LYL1: variants seen among roughly 807,000 people sequenced by gnomAD.
LYL1 encodes the protein LYL1 basic helix-loop-helix family member, also known as protein lyl-1.
In LYL1, 4 loss-of-function variants were observed where a neutral mutation model predicts 11.1. The ratio of observed to expected loss-of-function variants is 0.36; its 90% CI spans 0.18 to 0.82. LYL1 has a LOEUF of 0.82. LYL1 is among the 40% of genes least tolerant of loss of function. LYL1 has a pLI of 0.49. For missense variants in LYL1, 356 were observed against 397.6 expected (o/e 0.90, Z 0.89); for synonymous variants, 179 against 174.8 (o/e 1.02, Z -0.19).
Position 13,099,522 on chromosome 19 carries a change from C to A in LYL1, c.640G>T (p.Ala214Ser). Reference protein sequence around the residue: ...RLLRDQAAALAAGPTPPGPRK... With the variant: ...RLLRDQAAALSAGPTPPGPRK... ...GGCCCGGGAGGGGTGGGGCCTGCGGCCAGAGCTGCGGCTTGGTCGCGCAGC... is the reference window on the plus strand; with the variant it reads ...GGCCCGGGAGGGGTGGGGCCTGCGGACAGAGCTGCGGCTTGGTCGCGCAGC... Residue 214 changes from alanine to serine, a missense_variant, in exon 4 of 4, where the codon GCC (alanine) becomes TCC (serine). By Grantham distance (99) the Ala-to-Ser change is moderately conservative. Coordinates refer to ENST00000264824, the MANE Select transcript of LYL1 (RefSeq NM_005583.5). This position sits in a 1 kb window ranked among gnomAD's most constrained non-coding sequence, Gnocchi z 5.3. 2 of 1,489,310 alleles carry A rather than the reference C, an allele frequency of 1.3e-6. No individual in the cohort carries two copies. Among genetic ancestry groups the A allele is most frequent in the Non-Finnish European group, 1.8e-6 (2 of 1,113,514 alleles). 92.3% of individuals were successfully genotyped at this position (1,489,310 alleles called of 1,614,324 possible).
chr19:13,101,414 T>G lies in LYL1; in HGVS notation c.-24-219A>C, dbSNP rs2018686470. 4.8e-6 allele frequency: 2 copies of G among 421,040 alleles called. No homozygotes were observed. The highest frequency in any genetic ancestry group is 2.1e-5 in the African/African-American group (1 of 48,558). The allele number at this position is 421,040 out of a possible 1,614,324, so 26.1% of individuals were successfully genotyped here. A position where few individuals can be genotyped will look rare whatever the true frequency, so the allele number is the denominator to read the frequency against. ...AGAGTAGGAGGCGCCCCCCAGGTGC[T>G]AGGCAGCGCACTGTCCCTGAGCTCT... On this transcript the variant is annotated intron_variant, in intron 1 of 3. Coordinates refer to ENST00000264824, the MANE Select transcript of LYL1 (RefSeq NM_005583.5). This position sits in a 1 kb window ranked among gnomAD's most constrained non-coding sequence, Gnocchi z 5.1.
At position 13,101,011 on chromosome 19, in the gene LYL1, G is replaced by C. The variant is rs1190354260; in HGVS notation, c.161C>G (p.Pro54Arg). 12 of 1,476,588 alleles carry C rather than the reference G, an allele frequency of 8.1e-6. No homozygotes were observed. Among genetic ancestry groups the C allele is most frequent in the Admixed American group, 2.6e-5 (1 of 38,236 alleles). The allele number at this position is 1,476,588 out of a possible 1,614,324, so 91.5% of individuals were successfully genotyped here. Residue 54 changes from proline (P) to arginine (R), a missense_variant, in exon 2 of 4, where the codon CCC becomes CGC. Pro to Arg is a moderately radical substitution (Grantham distance 103, BLOSUM62 -2). Coordinates refer to ENST00000264824, the MANE Select transcript of LYL1 (RefSeq NM_005583.5). The surrounding 1 kb of genome is among the most constrained non-coding windows in gnomAD (Gnocchi z 5.1). ...CACTGGTACACCAGGTGGCAGCCTG[G>C]GGGGCGAGGAGCCTCCTCGGTGGCC... The part of the protein sequence containing the change: ...EVGHRGGSSP[P>R]RLPPGVPVIS...
chr19:13,101,031 G>T lies in LYL1; in HGVS notation c.141C>A (p.His47Gln). Reference sequence around the variant, plus strand: ...GCCTGGGGGGCGAGGAGCCTCCTCGGTGGCCCACCTCCTCCACCTGCGGGG... The same window carrying T: ...GCCTGGGGGGCGAGGAGCCTCCTCGTTGGCCCACCTCCTCCACCTGCGGGG... ...PGPPQVEEVGHRGGSSPPRLP... is the reference protein window; with the variant it reads ...PGPPQVEEVGQRGGSSPPRLP... The change falls in exon 2 of 4, where the codon CAC (histidine) becomes CAA (glutamine). Residue 47 changes from histidine (H) to glutamine (Q), a missense_variant. Physicochemically the swap from His to Gln is conservative, Grantham distance 24. Coordinates refer to ENST00000264824, the MANE Select transcript of LYL1 (RefSeq NM_005583.5). The surrounding 1 kb of genome is among the most constrained non-coding windows in gnomAD (Gnocchi z 5.1). The T allele has an allele frequency of 2.7e-6, 4 of 1,480,676 alleles. No homozygotes were observed. The highest frequency in any genetic ancestry group is 3.6e-6 in the Non-Finnish European group (4 of 1,117,068). 91.7% of individuals were successfully genotyped at this position (1,480,676 alleles called of 1,614,324 possible). A position where few individuals can be genotyped will look rare whatever the true frequency, so the allele number is the denominator to read the frequency against.
At position 13,099,564 on chromosome 19, in the gene LYL1, C is replaced by T. The variant is rs1426653272; in HGVS notation, c.598G>A (p.Gly200Ser). 3.3e-6 allele frequency: 5 copies of T among 1,537,418 alleles called. No homozygotes were observed. In the East Asian group the frequency reaches 1.3e-4, roughly 39 times the overall value. The change falls in exon 4 of 4, where the codon GGC (glycine) becomes AGC (serine). Residue 200 changes from glycine to serine, a missense_variant. Transcript: ENST00000264824. The surrounding 1 kb of genome is among the most constrained non-coding windows in gnomAD (Gnocchi z 5.3). ...EVLRLAMKYIGFLVRLLRDQA... is the reference protein window; with the variant it reads ...EVLRLAMKYISFLVRLLRDQA... ...TCGCGCAGCAGCCGCACCAGGAAGC[C>T]GATGTACTTCATGGCTAGGCGGAGC... is the stretch of plus-strand genomic sequence containing the variant.
chr19:13,100,625 C>T, intron 3 of LYL1, 32 bp downstream of exon 3: 2 of 1,607,716 alleles, frequency 1.2e-6, no homozygotes, highest in South Asian at 1.1e-5. Flanking sequence ...TACAGGCATA[C>T]AAACCCACAA....
rs1181775701 is a variant in LYL1 at position 13,099,354 on chromosome 19, T to G, written c.808A>C (p.Met270Leu). The change falls in exon 4 of 4, where the codon ATG becomes CTG. Residue 270 changes from methionine (M) to leucine (L), a missense_variant. By Grantham distance (15) the Met-to-Leu change is conservative. Coordinates refer to ENST00000264824, the MANE Select transcript of LYL1 (RefSeq NM_005583.5). This position sits in a 1 kb window ranked among gnomAD's most constrained non-coding sequence, Gnocchi z 5.3. ...SPGGAARPIK[M>L]EQTALSPEVR ...TCTGGGCTCAAAGCGGTTTGCTCCA[T>G]CTTGATGGGCCGGGCCGCTCCACCG... 1 of 1,284,488 alleles carries G rather than the reference T, an allele frequency of 7.8e-7. No individual in the cohort carries two copies. The highest frequency in any genetic ancestry group is 2.9e-5 in the East Asian group (1 of 34,426). The allele number at this position is 1,284,488 out of a possible 1,614,324, so 79.6% of individuals were successfully genotyped here. A position where few individuals can be genotyped will look rare whatever the true frequency, so the allele number is the denominator to read the frequency against.
chr19:13,101,545 T>G lies in LYL1; in HGVS notation c.-24-350A>C, dbSNP rs1322798470. 2 of 262,362 alleles carry G rather than the reference T, an allele frequency of 7.6e-6. No homozygotes were observed. The highest frequency in any genetic ancestry group is 1.6e-4 in the South Asian group (1 of 6,188). 16.3% of individuals were successfully genotyped at this position (262,362 alleles called of 1,614,324 possible). A position where few individuals can be genotyped will look rare whatever the true frequency, so the allele number is the denominator to read the frequency against. On this transcript the variant is annotated intron_variant, in intron 1 of 3. Coordinates refer to ENST00000264824, the MANE Select transcript of LYL1 (RefSeq NM_005583.5). This position sits in a 1 kb window ranked among gnomAD's most constrained non-coding sequence, Gnocchi z 5.1. ...GAGAGGGAACAAGACAGGGAGCCCC[T>G]AACTGATCCTGGGATCCCCAGAAAC...
In LYL1 at chr19:13,099,519, C is replaced by T. The variant is rs2018644272; in HGVS notation, c.643G>A (p.Ala215Thr). The T allele has an allele frequency of 2.9e-5, 43 of 1,467,132 alleles. No homozygotes were observed. The highest frequency in any genetic ancestry group is 3.8e-5 in the Non-Finnish European group (42 of 1,100,418). The allele number at this position is 1,467,132 out of a possible 1,614,324, so 90.9% of individuals were successfully genotyped here. Residue 215 changes from alanine to threonine, a missense_variant, in exon 4 of 4, where the codon GCA (alanine) becomes ACA (threonine). By Grantham distance (58) the Ala-to-Thr change is moderately conservative (BLOSUM62 0). Coordinates refer to ENST00000264824, the MANE Select transcript of LYL1 (RefSeq NM_005583.5). The surrounding 1 kb of genome is among the most constrained non-coding windows in gnomAD (Gnocchi z 5.3). ...LLRDQAAALA[A>T]GPTPPGPRKR... ...CGAGGCCCGGGAGGGGTGGGGCCTG[C>T]GGCCAGAGCTGCGGCTTGGTCGCGC... is the stretch of plus-strand genomic sequence containing the variant.
At position 13,100,777 on chromosome 19, in the gene LYL1, T is replaced by C. The variant is rs769354072; in HGVS notation, c.336-29A>G. On this transcript the variant is annotated intron_variant, in intron 2 of 3. Transcript: ENST00000264824. ...TAAGGGGTCGTGGGTCACTAATGCC[T>C]TGTGGGCAAGGACCCTGGCCCCCAA... is the stretch of plus-strand genomic sequence containing the variant. The C allele has an allele frequency of 1.2e-5, 20 of 1,613,302 alleles. 2 individuals are homozygous for C. In the South Asian group the frequency reaches 1.5e-4, roughly 12 times the overall value.
In LYL1 at chr19:13,099,730, G is replaced by T; in HGVS notation, c.432C>A (p.His144Gln). ...CGCGCCGGGCCACCTTCTGGGGCTG[G>T]TGCCCTGTGGACAAGGAGGGCCGGG... ...SHCELDLAEGHQPQKVARRVF... is the reference protein window; with the variant it reads ...SHCELDLAEGQQPQKVARRVF... The change falls in exon 4 of 4, where the codon CAC (histidine) becomes CAA (glutamine). Residue 144 changes from histidine (H) to glutamine (Q), a missense_variant. Physicochemically the swap from His to Gln is conservative, Grantham distance 24. Transcript: ENST00000264824. This position sits in a 1 kb window ranked among gnomAD's most constrained non-coding sequence, Gnocchi z 5.3. The T allele has an allele frequency of 6.7e-7, 1 of 1,491,472 alleles. No homozygotes were observed. The allele number at this position is 1,491,472 out of a possible 1,614,324, so 92.4% of individuals were successfully genotyped here.
chr19:13,099,494 C>A lies in LYL1; in HGVS notation c.668G>T (p.Arg223Leu). The part of the protein sequence containing the change: ...LAAGPTPPGP[R>L]KRPVHRVPDD... ...TGGGACCCGGTGCACCGGCCGTTTG[C>A]GAGGCCCGGGAGGGGTGGGGCCTGC... The change falls in exon 4 of 4, where the codon CGC becomes CTC. Residue 223 changes from arginine to leucine, a missense_variant. Arg to Leu is a moderately radical substitution (Grantham distance 102). Transcript: ENST00000264824. This position sits in a 1 kb window ranked among gnomAD's most constrained non-coding sequence, Gnocchi z 5.3. 8 of 1,340,902 alleles carry A rather than the reference C, an allele frequency of 6.0e-6. No homozygotes were observed. The highest frequency in any genetic ancestry group is 7.7e-6 in the Non-Finnish European group (8 of 1,033,204). 83.1% of individuals were successfully genotyped at this position (1,340,902 alleles called of 1,614,324 possible).
At chr19:13,100,515 T>A in intron 3 of LYL1, 142 bp downstream of exon 3, 1 of 823,682 alleles carries the variant, frequency 1.2e-6, no homozygotes, top group Non-Finnish European at 2.1e-6. Context: ...TGGGCTGTTC[T>A]CTGTGTGTGC....
In LYL1 at chr19:13,099,495, G is replaced by A; in HGVS notation, c.667C>T (p.Arg223Cys). The A allele has an allele frequency of 7.5e-7, 1 of 1,341,616 alleles. No individual in the cohort carries two copies. The highest frequency in any genetic ancestry group is 3.1e-5 in the East Asian group (1 of 32,094). The allele number at this position is 1,341,616 out of a possible 1,614,324, so 83.1% of individuals were successfully genotyped here. A position where few individuals can be genotyped will look rare whatever the true frequency, so the allele number is the denominator to read the frequency against. Residue 223 changes from arginine (R) to cysteine (C), a missense_variant, in exon 4 of 4, where the codon CGC becomes TGC. Physicochemically the swap from Arg to Cys is radical, Grantham distance 180 (BLOSUM62 -3). Coordinates refer to ENST00000264824, the MANE Select transcript of LYL1 (RefSeq NM_005583.5). The surrounding 1 kb of genome is among the most constrained non-coding windows in gnomAD (Gnocchi z 5.3). Reference sequence around the variant, plus strand: ...GGGACCCGGTGCACCGGCCGTTTGCGAGGCCCGGGAGGGGTGGGGCCTGCG... The same window carrying A: ...GGGACCCGGTGCACCGGCCGTTTGCAAGGCCCGGGAGGGGTGGGGCCTGCG... The part of the protein sequence containing the change: ...LAAGPTPPGP[R>C]KRPVHRVPDD...
At position 13,099,733 on chromosome 19, in the gene LYL1, C is replaced by A; in HGVS notation, c.429G>T (p.Gly143=). 1 of 1,479,650 alleles carries A rather than the reference C, an allele frequency of 6.8e-7. No homozygotes were observed. The highest frequency in any genetic ancestry group is 1.3e-5 in the South Asian group (1 of 76,224). The allele number at this position is 1,479,650 out of a possible 1,614,324, so 91.7% of individuals were successfully genotyped here. A position where few individuals can be genotyped will look rare whatever the true frequency, so the allele number is the denominator to read the frequency against. Residue 143 remains glycine, a splice_region_variant and synonymous_variant, in exon 4 of 4, where the codon GGG becomes GGT. Transcript: ENST00000264824. This position sits in a 1 kb window ranked among gnomAD's most constrained non-coding sequence, Gnocchi z 5.3. ...PSHCELDLAE[G]HQPQKVARRV... ...GCCGGGCCACCTTCTGGGGCTGGTG[C>A]CCTGTGGACAAGGAGGGCCGGGTTG...
chr19:13,101,614 A>G lies in LYL1; in HGVS notation c.-24-419T>C, dbSNP rs2018688950. The G allele has an allele frequency of 4.4e-6, 1 of 225,852 alleles. No homozygotes were observed. The allele number at this position is 225,852 out of a possible 1,614,324, so 14.0% of individuals were successfully genotyped here. A position where few individuals can be genotyped will look rare whatever the true frequency, so the allele number is the denominator to read the frequency against. ...ATCCTCAGATCTAAAGATCCAACCC[A>G]GAGACTCCTCATTAACTCATTGATG... On this transcript the variant is annotated intron_variant, in intron 1 of 3. Transcript: ENST00000264824. This position sits in a 1 kb window ranked among gnomAD's most constrained non-coding sequence, Gnocchi z 5.1.
At position 13,100,993 on chromosome 19, in the gene LYL1, A is replaced by C. The variant is rs1288034985; in HGVS notation, c.179T>G (p.Val60Gly). 5 of 1,479,208 alleles carry C rather than the reference A, an allele frequency of 3.4e-6. No individual in the cohort carries two copies. The allele number at this position is 1,479,208 out of a possible 1,614,324, so 91.6% of individuals were successfully genotyped here. Reference sequence around the variant, plus strand: ...GCTGTGGCCCAGGCTGATCACTGGTACACCAGGTGGCAGCCTGGGGGGCGA... The same window carrying C: ...GCTGTGGCCCAGGCTGATCACTGGTCCACCAGGTGGCAGCCTGGGGGGCGA... ...GSSPPRLPPG[V>G]PVISLGHSRP... Residue 60 changes from valine to glycine, a missense_variant, in exon 2 of 4, where the codon GTA becomes GGA. Physicochemically the swap from Val to Gly is moderately radical, Grantham distance 109 (BLOSUM62 -3). Coordinates refer to ENST00000264824, the MANE Select transcript of LYL1 (RefSeq NM_005583.5).
chr19:13,101,476 A>C lies in LYL1; in HGVS notation c.-24-281T>G. Reference sequence around the variant, plus strand: ...GAGGGGCGCTGTTGCCCAGCCTCTGAGCAAATATTCCTTCTTCCAGAATTC... The same window carrying C: ...GAGGGGCGCTGTTGCCCAGCCTCTGCGCAAATATTCCTTCTTCCAGAATTC... On this transcript the variant is annotated intron_variant, in intron 1 of 3. Coordinates refer to ENST00000264824, the MANE Select transcript of LYL1 (RefSeq NM_005583.5). This position sits in a 1 kb window ranked among gnomAD's most constrained non-coding sequence, Gnocchi z 5.1. 1 of 356,972 alleles carries C rather than the reference A, an allele frequency of 2.8e-6. No individual in the cohort carries two copies. The highest frequency in any genetic ancestry group is 5.0e-6 in the Non-Finnish European group (1 of 198,932). 22.1% of individuals were successfully genotyped at this position (356,972 alleles called of 1,614,324 possible). A position where few individuals can be genotyped will look rare whatever the true frequency, so the allele number is the denominator to read the frequency against.
chr19:13,099,684 G>T lies in LYL1; in HGVS notation c.478C>A (p.Arg160Ser). 1 of 1,545,298 alleles carries T rather than the reference G, an allele frequency of 6.5e-7. No homozygotes were observed. Among genetic ancestry groups the T allele is most frequent in the Non-Finnish European group, 8.7e-7 (1 of 1,145,068 alleles). The change falls in exon 4 of 4, where the codon CGC becomes AGC. Residue 160 changes from arginine (R) to serine (S), a missense_variant. Coordinates refer to ENST00000264824, the MANE Select transcript of LYL1 (RefSeq NM_005583.5). This position sits in a 1 kb window ranked among gnomAD's most constrained non-coding sequence, Gnocchi z 5.3. ...CCGTTAACGTTCTGCTGCCGCCAGC[G>T]CTCCCGGCTGTTGGTGAACACGCGC... is the stretch of plus-strand genomic sequence containing the variant. ...ARRVFTNSRE[R>S]WRQQNVNGAF...
Position 13,100,899 on chromosome 19 carries a change from G to A in LYL1, c.273C>T (p.Ser91=). The A allele has an allele frequency of 1.9e-6, 3 of 1,560,042 alleles. No homozygotes were observed. The highest frequency in any genetic ancestry group is 2.1e-4 in the Middle Eastern group (1 of 4,814). The change falls in exon 2 of 4, where the codon TCC becomes TCT. Residue 91 remains serine, a synonymous_variant. Coordinates refer to ENST00000264824, the MANE Select transcript of LYL1 (RefSeq NM_005583.5). Reference sequence around the variant, plus strand: ...AAGTGGGCGGGGCAGTTCCCAGGGTGGAGAGTTGCAGCAGCGGGGGCCGCA... The same window carrying A: ...AAGTGGGCGGGGCAGTTCCCAGGGTAGAGAGTTGCAGCAGCGGGGGCCGCA... The part of the protein sequence containing the change: ...GTLRPPLLQL[S]TLGTAPPTLA...
Sources: allele counts gnomAD v4.1 joint callset, GRCh38; gene constraint gnomAD v4.1.1; non-coding constraint Gnocchi (gnomAD v3.1); transcripts MANE v1.5; gene names NCBI Gene and HGNC (gene_info 2026-07-23, HGNC 2026-07-21).